SPON1: variants seen among roughly 807,000 people sequenced by gnomAD.
SPON1 encodes the protein spondin-1.
A neutral mutation model predicts 111.7 loss-of-function variants in SPON1; 52 were observed. The ratio of observed to expected loss-of-function variants is 0.47; its 90% confidence interval spans 0.37 to 0.59. The LOEUF is 0.59. Among genes scored for constraint, SPON1 ranks in the 20% least tolerant of loss-of-function variants. The pLI is 0.00. For missense variants in SPON1, 957 were observed against 1,068.5 expected (o/e 0.90, Z 1.46); for synonymous variants, 410 against 395.8 (o/e 1.04, Z -0.43).
chr11:14,082,425 T>A (rs1463815907), intron 5 of SPON1, among the ~76,000 whole-genome samples: 2 of 152,204 alleles, frequency 1.3e-5, no homozygotes, highest in African/African-American at 4.8e-5. Flanking sequence ...ACTGTAGTTA[T>A]TTTTTTAAAA....
chr11:13,970,123 G>A lies in SPON1; in HGVS notation c.238+6981G>A, dbSNP rs148803465. Among the ~76,000 whole-genome samples the A allele has an allele frequency of 8.0e-3, 1,216 of 152,310 alleles. 17 individuals carry two copies. Among genetic ancestry groups the A allele is most frequent in the African/African-American group, 0.026 (1,090 of 41,554 alleles). Reference sequence around the variant, plus strand: ...CTTGGAGCATCTATGGTGTCAGGAAGCTTGCTATATCACATAAAAAGCTTT... The same window carrying A: ...CTTGGAGCATCTATGGTGTCAGGAAACTTGCTATATCACATAAAAAGCTTT... On this transcript the variant is annotated intron_variant, in intron 1 of 15. Transcript: ENST00000576479.
chr11:14,242,038 C>T (rs1402514229), intron 6 of SPON1, among the ~76,000 whole-genome samples: 7 of 152,126 alleles, frequency 4.6e-5, no homozygotes, highest in Non-Finnish European at 1.0e-4. Flanking sequence ...GGAGCCCAGA[C>T]CACGCTGGGT....
At chr11:13,967,016 G>A (rs984783190) in intron 1 of SPON1, among the ~76,000 whole-genome samples, 8 of 152,164 alleles carry the variant, frequency 5.3e-5, no homozygotes, top group African/African-American at 9.7e-5. Flanking sequence ...AAGTTCTTCC[G>A]ACTCATCTCA....
At chr11:14,157,937 T>G in intron 6 of SPON1, among the ~76,000 whole-genome samples, 1 of 152,196 alleles carries the variant, frequency 6.6e-6, no homozygotes, top group Non-Finnish European at 1.5e-5. Flanking sequence ...TTATAGTTTT[T>G]AAGTCCAAGT....
intron 6 of SPON1, among the ~76,000 whole-genome samples, chr11:14,177,319 C>T (rs1352163839): frequency 6.6e-6 from 1 of 152,008 alleles, no homozygotes; most frequent in Admixed American, 6.6e-5. Flanking sequence ...GGATTACGGT[C>T]ATGAACCACT....
At chr11:13,968,858 G>T (rs1265129440) in intron 1 of SPON1, among the ~76,000 whole-genome samples, 11 of 152,194 alleles carry the variant, frequency 7.2e-5, no homozygotes, top group East Asian at 3.8e-4. Context: ...CTGCAAGGAA[G>T]GCTGGGAAAT....
chr11:13,970,451 T>C (rs782732474), intron 1 of SPON1, among the ~76,000 whole-genome samples: 1 of 152,198 alleles, frequency 6.6e-6, no homozygotes, highest in Non-Finnish European at 1.5e-5. Context: ...CCAATATGTC[T>C]CATGGACTGG....
rs530348216 is a variant in SPON1, at chr11:14,058,953, G to A, written c.480-16392G>A. ...CAATGCCAGAGTACATCTTTAACAA[G>A]GCTGAATCCTCAGGGGATTATGTCT... On this transcript the variant is annotated intron_variant, in intron 3 of 15. Coordinates refer to ENST00000576479, the MANE Select transcript of SPON1 (RefSeq NM_006108.4). 1.1e-4 allele frequency among the ~76,000 whole-genome samples: 16 copies of A among 152,310 alleles called. 1 individual carries two copies. In the East Asian group the frequency reaches 3.1e-3, roughly 29 times the overall value.
chr11:14,218,277 T>C (rs958795340), intron 6 of SPON1, among the ~76,000 whole-genome samples: 1 of 152,112 alleles, frequency 6.6e-6, no homozygotes, highest in Non-Finnish European at 1.5e-5. Flanking sequence ...AGTCCTCTCT[T>C]CCTCCCCTAG....
At chr11:14,121,988 G>A (rs1337216554) in intron 5 of SPON1, among the ~76,000 whole-genome samples, 1 of 151,196 alleles carries the variant, frequency 6.6e-6, no homozygotes, top group African/African-American at 2.4e-5. Context: ...CCCTCATTGT[G>A]TCTTTTATCG....
At chr11:14,097,889 C>T (rs1849114045) in intron 5 of SPON1, among the ~76,000 whole-genome samples, 1 of 152,076 alleles carries the variant, frequency 6.6e-6, no homozygotes, top group African/African-American at 2.4e-5. Context: ...TGGTCTCCCA[C>T]TTGTTCACTG....
At chr11:14,070,393 A>G (rs1848865964) in intron 3 of SPON1, among the ~76,000 whole-genome samples, 1 of 152,214 alleles carries the variant, frequency 6.6e-6, no homozygotes, top group Non-Finnish European at 1.5e-5. Flanking sequence ...CAGCTGACTA[A>G]GGTAATACTC....
At chr11:14,069,884 G>A (rs1848861838) in intron 3 of SPON1, among the ~76,000 whole-genome samples, 1 of 151,942 alleles carries the variant, frequency 6.6e-6, no homozygotes. Context: ...ATAGAGTCCT[G>A]CAGATAAGTT....
At chr11:14,169,305 G>C (rs1848069033) in intron 6 of SPON1, among the ~76,000 whole-genome samples, 1 of 151,880 alleles carries the variant, frequency 6.6e-6, no homozygotes, top group South Asian at 2.1e-4. Context: ...GTCTTCTTTT[G>C]AGAAGTGTCT....
chr11:14,202,624 C>T (rs557269540), intron 6 of SPON1, among the ~76,000 whole-genome samples: 1 of 152,292 alleles, frequency 6.6e-6, no homozygotes, highest in East Asian at 1.9e-4. Context: ...CCTGTTCGTC[C>T]CTTTGAGCCA....
At chr11:14,257,294 A>G (rs1849119806) in intron 10 of SPON1, among the ~76,000 whole-genome samples, 1 of 152,220 alleles carries the variant, frequency 6.6e-6, no homozygotes, top group Admixed American at 6.5e-5. Context: ...GTACATGATG[A>G]GTACTCAATG....
chr11:14,212,507 G>C (rs147729609), intron 6 of SPON1, among the ~76,000 whole-genome samples: 237 of 152,138 alleles, frequency 1.6e-3, no homozygotes, highest in Middle Eastern at 3.4e-3. Context: ...TGAATATATT[G>C]AGTCAGACCT....
chr11:14,162,921 C>T (rs1170613913), intron 6 of SPON1, among the ~76,000 whole-genome samples: 1 of 152,128 alleles, frequency 6.6e-6, no homozygotes, highest in African/African-American at 2.4e-5. Context: ...GCTGGTCCTG[C>T]AAAGAGGTTA....
chr11:14,075,758 T>C (rs2133830104), intron 4 of SPON1, among the ~76,000 whole-genome samples: 1 of 152,320 alleles, frequency 6.6e-6, no homozygotes, highest in East Asian at 1.9e-4. Context: ...CTTTAAAAAG[T>C]CTGTAATGGT....
Sources: gnomAD v4.1 joint callset for allele counts (sites outside exome capture counted in the v4.1 genomes callset) on GRCh38, gnomAD v4.1.1 for gene constraint, MANE v1.5 for transcripts, NCBI Gene and HGNC (gene_info 2026-07-23, HGNC 2026-07-21) for gene names.